RAD51B: variants seen among roughly 807,000 people sequenced by gnomAD.
RAD51B encodes RAD51 paralog B.
A neutral mutation model predicts 42.2 loss-of-function variants in RAD51B; 38 were observed. The ratio of observed to expected loss-of-function variants is 0.90; its 90% CI spans 0.70 to 1.18. The LOEUF (loss-of-function observed/expected upper bound fraction) is 1.18, where lower values mean the gene tolerates loss of function less well. Among genes scored for constraint, RAD51B ranks in the 50% most tolerant of loss-of-function variants. The probability of loss-of-function intolerance (pLI) is 0.00; values close to 1 mark genes in which losing one functional copy is unlikely to be tolerated. For missense variants in RAD51B, 373 were observed against 400.7 expected, an observed-to-expected ratio of 0.93 and a Z score of 0.59; for synonymous variants, 154 against 145.2, an observed-to-expected ratio of 1.06 and a Z score of -0.43.
chr14:68,340,812 G>T (rs1331568222), intron 8 of RAD51B, among the ~76,000 whole-genome samples: 1 of 152,156 alleles, frequency 6.6e-6, no homozygotes, highest in Non-Finnish European at 1.5e-5. Flanking sequence ...CATGACGCTT[G>T]GCTCTCTAGG....
At chr14:67,837,766 C>G (rs2041295800) in intron 4 of RAD51B, among the ~76,000 whole-genome samples, 2 of 152,164 alleles carry the variant, frequency 1.3e-5, no homozygotes, top group African/African-American at 2.4e-5. Context: ...ATATCCATCA[C>G]TTCAAGCATT....
intron 7 of RAD51B, among the ~76,000 whole-genome samples, chr14:68,196,575 T>A (rs964690193): frequency 1.3e-5 from 2 of 152,108 alleles, no homozygotes; most frequent in African/African-American, 4.8e-5. Flanking sequence ...TAAAAATCAC[T>A]CCTTTAAGAA....
In RAD51B at chr14:68,638,066, G is replaced by C. The variant is rs373902099; in HGVS notation, c.1037-12715G>C. ...GTTTGCAGAGGTAAGAGGCCTCAAA[G>C]TCACAATGTCCCTCGGGAGAGAAAG... On this transcript the variant is annotated intron_variant, in intron 10 of 11. Transcript: ENST00000488612. Among the ~76,000 whole-genome samples the C allele has an allele frequency of 1.6e-4, 24 of 152,362 alleles. No homozygotes were observed. The East Asian group carries it at 4.6e-3, about 29-fold the overall frequency.
intron 7 of RAD51B, among the ~76,000 whole-genome samples, chr14:68,110,219 T>G (rs1566652311): frequency 6.6e-6 from 1 of 151,986 alleles, no homozygotes; most frequent in Non-Finnish European, 1.5e-5. Flanking sequence ...TTTGAGGCAC[T>G]CTGTGGCATT....
chr14:67,886,209 G>A (rs1329884770), intron 6 of RAD51B, among the ~76,000 whole-genome samples: 1 of 152,098 alleles, frequency 6.6e-6, no homozygotes, highest in African/African-American at 2.4e-5. Context: ...ATTAAGTGGT[G>A]TATTATTTAT....
chr14:67,824,898 G>C (rs1038136578), intron 2 of RAD51B, among the ~76,000 whole-genome samples: 1 of 151,338 alleles, frequency 6.6e-6, no homozygotes, highest in African/African-American at 2.4e-5. Flanking sequence ...CCAATATGGT[G>C]AACTCTTGTC....
At chr14:68,465,992 A>T (rs188593022) in intron 9 of RAD51B, among the ~76,000 whole-genome samples, 12 of 149,640 alleles carry the variant, frequency 8.0e-5, no homozygotes, top group South Asian at 6.3e-4. Flanking sequence ...ATAAATAAAT[A>T]AATTCACATT....
At chr14:68,315,671 G>T (rs771605912) in intron 8 of RAD51B, among the ~76,000 whole-genome samples, 1 of 151,960 alleles carries the variant, frequency 6.6e-6, no homozygotes, top group Non-Finnish European at 1.5e-5. Context: ...ACAGGTGCCC[G>T]CCACCACGCC....
intron 7 of RAD51B, among the ~76,000 whole-genome samples, chr14:68,251,323 G>C (rs1261685204): frequency 6.6e-6 from 1 of 152,098 alleles, no homozygotes; most frequent in Non-Finnish European, 1.5e-5. Flanking sequence ...ACCTCGATGA[G>C]CCCCGGCCCA....
intron 7 of RAD51B, among the ~76,000 whole-genome samples, chr14:68,040,392 C>CT (rs1261527266): frequency 2.6e-5 from 4 of 152,146 alleles, no homozygotes; most frequent in Non-Finnish European, 5.9e-5. Flanking sequence ...TTTAAATTAA[C>CT]TTTTTCTTTT....
intron 7 of RAD51B, among the ~76,000 whole-genome samples, chr14:68,224,756 G>T (rs772106521): frequency 1.3e-5 from 2 of 151,884 alleles, no homozygotes; most frequent in Non-Finnish European, 2.9e-5. Flanking sequence ...GTACAGTGGC[G>T]CAGTCTTGGC....
intron 11 of RAD51B, among the ~76,000 whole-genome samples, chr14:68,667,856 G>A (rs1414365634): frequency 2.0e-5 from 3 of 152,150 alleles, no homozygotes. Context: ...CTTACACCCT[G>A]CCCCGTGGAT....
chr14:68,119,647 C>T (rs2077611956), intron 7 of RAD51B, among the ~76,000 whole-genome samples: 1 of 150,150 alleles, frequency 6.7e-6, no homozygotes, highest in Admixed American at 6.6e-5. Context: ...AGGACACGAA[C>T]TCATCATTTT....
chr14:68,644,441 C>T (rs1892525810), intron 10 of RAD51B, among the ~76,000 whole-genome samples: 1 of 152,210 alleles, frequency 6.6e-6, no homozygotes, highest in Non-Finnish European at 1.5e-5. Flanking sequence ...TTCAAGCCCC[C>T]TGAGGCACAC....
intron 7 of RAD51B, among the ~76,000 whole-genome samples, chr14:67,949,400 G>A (rs2074400408): frequency 6.6e-6 from 1 of 152,110 alleles, no homozygotes; most frequent in South Asian, 2.1e-4. Context: ...TAATTTCTTT[G>A]CTCATACCTT....
intron 7 of RAD51B, among the ~76,000 whole-genome samples, chr14:68,245,116 C>G (rs910043741): frequency 3.3e-5 from 5 of 152,156 alleles, no homozygotes; most frequent in Non-Finnish European, 7.4e-5. Flanking sequence ...CCAGACCTAC[C>G]CTGTCCTCGT....
intron 10 of RAD51B, among the ~76,000 whole-genome samples, chr14:68,546,580 G>A (rs1476133812): frequency 2.6e-5 from 4 of 152,204 alleles, no homozygotes; most frequent in Admixed American, 2.0e-4. Context: ...TGGAGCTGAG[G>A]TCACAGGCTT....
chr14:68,116,230 G>C (rs1197814756), intron 7 of RAD51B, among the ~76,000 whole-genome samples: 1 of 151,472 alleles, frequency 6.6e-6, no homozygotes, highest in Non-Finnish European at 1.5e-5. Flanking sequence ...TGAATTTTAG[G>C]GTTTTATTAG....
intron 3 of RAD51B, among the ~76,000 whole-genome samples, chr14:67,829,652 A>T (rs1277909959): frequency 3.3e-5 from 5 of 151,620 alleles, no homozygotes; most frequent in Non-Finnish European, 7.4e-5. Context: ...TCTTCAGGAA[A>T]TTTTTTTTGC....
Sources: gnomAD v4.1 joint callset for allele counts (sites outside exome capture counted in the v4.1 genomes callset) on GRCh38, gnomAD v4.1.1 for gene constraint, MANE v1.5 for transcripts, NCBI Gene and HGNC (gene_info 2026-07-23, HGNC 2026-07-21) for gene names.